Variants in HCRTR2 observed in about 807,000 individuals in gnomAD.
HCRTR2 encodes hypocretin receptor 2, also known as orexin receptor type 2.
HCRTR2 carries 22 observed loss-of-function variants against 49.0 expected under a neutral mutation model. That is an observed-to-expected ratio of 0.45 (90% CI 0.32 to 0.64). The LOEUF (loss-of-function observed/expected upper bound fraction) is 0.64. HCRTR2 is among the 30% of genes least tolerant of loss of function. HCRTR2 has a pLI of 0.04. For synonymous variants in HCRTR2, 236 were observed against 205.3 expected, an observed-to-expected ratio of 1.15 and a Z score of -1.28; for missense variants, 491 against 559.4, an observed-to-expected ratio of 0.88 and a Z score of 1.23.
intron 1 of HCRTR2, among the ~76,000 whole-genome samples, chr6:55,237,762 C>T (rs2127303375): frequency 6.6e-6 from 1 of 152,252 alleles, no homozygotes; most frequent in South Asian, 2.1e-4. Flanking sequence ...CTGCAGTAAG[C>T]TTATCTGCCG....
rs113041105 is a variant in HCRTR2, at chr6:55,125,910, G to T, written c.-378+19365G>T. Among the ~76,000 whole-genome samples the T allele has an allele frequency of 6.4e-4, 97 of 151,694 alleles. 2 individuals are homozygous for T. The highest frequency in any genetic ancestry group is 2.3e-3 in the African/African-American group (95 of 41,348). Reference sequence around the variant, plus strand: ...CTTTCTTCCACTTGATCGATTCAGCGATTGATACCTGTGTATGCTTCACGA... The same window carrying T: ...CTTTCTTCCACTTGATCGATTCAGCTATTGATACCTGTGTATGCTTCACGA... On this transcript the variant is annotated intron_variant, in intron 1 of 7. Transcript: ENST00000615358.
At chr6:55,121,343 G>A (rs1021301541) in intron 1 of HCRTR2, among the ~76,000 whole-genome samples, 2 of 152,096 alleles carry the variant, frequency 1.3e-5, no homozygotes, top group Non-Finnish European at 2.9e-5. Context: ...AGATTTTGCT[G>A]AAGTTGCTTA....
intron 1 of HCRTR2, among the ~76,000 whole-genome samples, chr6:55,247,307 A>G (rs1327611531): frequency 6.6e-6 from 1 of 152,114 alleles, no homozygotes; most frequent in African/African-American, 2.4e-5. Context: ...TCAAAATTAA[A>G]TCCTCTGAAA....
intron 1 of HCRTR2, among the ~76,000 whole-genome samples, chr6:55,160,849 C>T (rs1057454377): frequency 4.6e-5 from 7 of 151,896 alleles, no homozygotes; most frequent in Non-Finnish European, 7.4e-5. Context: ...TTCTTAGAGA[C>T]CTATAGAGAC....
intron 1 of HCRTR2, among the ~76,000 whole-genome samples, chr6:55,144,932 G>T (rs538513519): frequency 2.0e-5 from 3 of 152,046 alleles, no homozygotes; most frequent in African/African-American, 7.2e-5. Context: ...AATTAAACTC[G>T]CCCGTGTTCT....
chr6:55,146,244 A>G lies in HCRTR2; in HGVS notation c.-377-27967A>G, dbSNP rs148157301. On this transcript the variant is annotated intron_variant, in intron 1 of 7. Coordinates refer to the HCRTR2 transcript ENST00000615358. ...TTCAATGTTTATCTCAGAAAGGGAT[A>G]ATATACAGTATAAGACATCTAGTTT... Among the ~76,000 whole-genome samples, 552 of 152,304 alleles carry G rather than the reference A, an allele frequency of 3.6e-3. 2 individuals are homozygous for G. Among genetic ancestry groups the G allele is most frequent in the African/African-American group, 0.012 (510 of 41,576 alleles).
At chr6:55,139,537 G>A (rs1764478801) in intron 1 of HCRTR2, among the ~76,000 whole-genome samples, 1 of 152,148 alleles carries the variant, frequency 6.6e-6, no homozygotes, top group Non-Finnish European at 1.5e-5. Flanking sequence ...TTCCTTGAGA[G>A]AGTTGATAAA....
chr6:55,165,440 G>T (rs1424347244), intron 1 of HCRTR2, among the ~76,000 whole-genome samples: 2 of 151,914 alleles, frequency 1.3e-5, no homozygotes, highest in Non-Finnish European at 2.9e-5. Flanking sequence ...AATGAATTTG[G>T]ATACCTTTCT....
intron 1 of HCRTR2, among the ~76,000 whole-genome samples, chr6:55,128,118 CCAATTT>C (rs1174932555): frequency 6.6e-6 from 1 of 152,126 alleles, no homozygotes; most frequent in Non-Finnish European, 1.5e-5. Context: ...AGGAAGGGGT[CCAATTT>C]CAATTTTCTT....
chr6:55,248,700 T>A lies in HCRTR2; in HGVS notation c.285T>A (p.Asn95Lys). 1 of 1,613,520 alleles carries A rather than the reference T, an allele frequency of 6.2e-7. No individual in the cohort carries two copies. The highest frequency in any genetic ancestry group is 8.5e-7 in the Non-Finnish European group (1 of 1,179,542). The change falls in exon 2 of 7, where the codon AAT becomes AAA. Residue 95 changes from asparagine to lysine, a missense_variant. Coordinates refer to ENST00000370862, the MANE Select transcript of HCRTR2 (RefSeq NM_001384272.1). ...CGGTAACCAACTACTTCATAGTCAA[T>A]CTTTCTCTGGCTGATGTGCTCGTGA... Reference protein sequence around the residue: ...MRTVTNYFIVNLSLADVLVTI... With the variant: ...MRTVTNYFIVKLSLADVLVTI...
intron 1 of HCRTR2, among the ~76,000 whole-genome samples, chr6:55,241,905 G>C (rs1321067012): frequency 1.7e-5 from 2 of 114,750 alleles, no homozygotes; most frequent in Non-Finnish European, 3.5e-5. Flanking sequence ...GCCTCACTCT[G>C]TCGCCCAGGC....
chr6:55,257,215 CTT>C (rs1766669915), intron 3 of HCRTR2, among the ~76,000 whole-genome samples: 1 of 151,998 alleles, frequency 6.6e-6, no homozygotes, highest in East Asian at 1.9e-4. Context: ...TGACATGTCT[CTT>C]ATACGATCCT....
At chr6:55,112,548 CA>C (rs34704863) in intron 1 of HCRTR2, among the ~76,000 whole-genome samples, 9,001 of 79,094 alleles carry the variant, frequency 0.11, 368 homozygotes, top group African/African-American at 0.24. Flanking sequence ...ACAATAGCTG[CA>C]AAAAAAAAAA....
chr6:55,125,300 C>T (rs764993278), intron 1 of HCRTR2, among the ~76,000 whole-genome samples: 1 of 152,160 alleles, frequency 6.6e-6, no homozygotes, highest in African/African-American at 2.4e-5. Flanking sequence ...TCTTGTAAGG[C>T]AGGTCTGGTG....
chr6:55,274,094 G>T (rs1293446737), intron 4 of HCRTR2, among the ~76,000 whole-genome samples: 1 of 151,128 alleles, frequency 6.6e-6, no homozygotes, highest in African/African-American at 2.4e-5. Context: ...TCGTGGTATT[G>T]AACGTGATTA....
At chr6:55,220,322 A>T (rs1174001743) in intron 1 of HCRTR2, among the ~76,000 whole-genome samples, 1 of 152,180 alleles carries the variant, frequency 6.6e-6, no homozygotes, top group Non-Finnish European at 1.5e-5. Flanking sequence ...AAAAATAGCA[A>T]ACTGAATTCA....
chr6:55,111,995 A>C (rs1380289577), intron 1 of HCRTR2, among the ~76,000 whole-genome samples: 18 of 152,098 alleles, frequency 1.2e-4, no homozygotes. Flanking sequence ...TAACATATGC[A>C]AATCAATAAA....
chr6:55,172,057 A>T (rs1436752319), upstream of HCRTR2, among the ~76,000 whole-genome samples: 1 of 152,180 alleles, frequency 6.6e-6, no homozygotes, highest in Admixed American at 6.5e-5. Flanking sequence ...AAGTTGACAG[A>T]TTTATGCCGA....
At chr6:55,142,663 G>A (rs1395355888) in intron 1 of HCRTR2, among the ~76,000 whole-genome samples, 2 of 151,676 alleles carry the variant, frequency 1.3e-5, no homozygotes, top group East Asian at 3.9e-4. Flanking sequence ...TGTTGTTTTT[G>A]CAGCATCGTT....
Sources: gnomAD v4.1 joint callset for allele counts (sites outside exome capture counted in the v4.1 genomes callset) on GRCh38, gnomAD v4.1.1 for gene constraint, MANE v1.5 for transcripts, NCBI Gene and HGNC (gene_info 2026-07-23, HGNC 2026-07-21) for gene names.